The following HDC variants were observed in gnomAD, a reference collection of about 807,000 sequenced individuals.
HDC encodes histidine decarboxylase.
A neutral mutation model predicts 64.4 loss-of-function variants in HDC; 27 were observed. That is an observed-to-expected ratio of 0.42 (90% CI 0.31 to 0.58). The LOEUF is 0.58. Ranked by LOEUF, HDC falls within the 20% of genes least tolerant of loss-of-function variation. The pLI is 0.16. For synonymous variants in HDC, 305 were observed against 314.2 expected, an observed-to-expected ratio of 0.97 and a Z score of 0.31; for missense variants, 711 against 833.9, an observed-to-expected ratio of 0.85 and a Z score of 1.81.
chr15:50,250,546 A>T (rs2045540909), intron 9 of HDC, among the ~76,000 whole-genome samples: 1 of 152,216 alleles, frequency 6.6e-6, no homozygotes, highest in African/African-American at 2.4e-5. Flanking sequence ...AACCCCGGGA[A>T]GATCCTGAGG....
At position 50,265,673 on chromosome 15, in the gene HDC, A is replaced by T. The variant is rs1301842223; in HGVS notation, c.-50T>A. 11 of 1,568,378 alleles carry T rather than the reference A, an allele frequency of 7.0e-6. No homozygotes were observed. Among genetic ancestry groups the T allele is most frequent in the Non-Finnish European group, 8.8e-6 (10 of 1,138,896 alleles). ...CACAGATGGACACGCAGGAGGTGGA[A>T]GGCGTGAAAGGCGTGGAGCAGCCCG... On this transcript the variant is annotated 5_prime_UTR_variant, in exon 1 of 12. Transcript: ENST00000267845.
At position 50,242,335 on chromosome 15, in the gene HDC, G is replaced by A. The variant is rs1245157541; in HGVS notation, c.1914C>T (p.Ser638=). 24 of 1,613,990 alleles carry A rather than the reference G, an allele frequency of 1.5e-5. No individual in the cohort carries two copies. The highest frequency in any genetic ancestry group is 1.8e-5 in the Non-Finnish European group (21 of 1,179,994). ...SAFKKLIKFY[S]VPSFPECSSQ... ...AGCTGCATTCAGGAAAGCTGGGGAC[G>A]CTGTAGAATTTGATGAGTTTTTTGA... Residue 638 remains serine (S), a synonymous_variant, in exon 12 of 12, where the codon AGC becomes AGT. Coordinates refer to ENST00000267845, the MANE Select transcript of HDC (RefSeq NM_002112.4).
chr15:50,261,428 TTTCA>T, intron 2 of HDC, among the ~76,000 whole-genome samples: 1 of 152,182 alleles, frequency 6.6e-6, no homozygotes, highest in South Asian at 2.1e-4. Flanking sequence ...ATATTGACAT[TTTCA>T]AAAAATGCTT....
chr15:50,257,133 C>T (rs1425750009), intron 4 of HDC, among the ~76,000 whole-genome samples: 1 of 152,104 alleles, frequency 6.6e-6, no homozygotes, highest in African/African-American at 2.4e-5. Context: ...AAATGGGACA[C>T]CAAAAAGGAA....
At chr15:50,252,996 C>T (rs921329130) in intron 7 of HDC, 1 of 586,616 alleles carries the variant, frequency 1.7e-6, no homozygotes, top group Non-Finnish European at 3.0e-6. Context: ...CTCACCCTTG[C>T]CTTTTTCTTC....
rs1237634165 is a variant in HDC at position 50,243,160 on chromosome 15, C to G, written c.1225G>C (p.Val409Leu). 1 of 1,613,648 alleles carries G rather than the reference C, an allele frequency of 6.2e-7. No individual in the cohort carries two copies. The highest frequency in any genetic ancestry group is 8.5e-7 in the Non-Finnish European group (1 of 1,179,558). The stretch of plus-strand genomic sequence containing the variant: ...GGTATTACCTTTAGACGAAAAACCA[C>G]CAGGCCAAGGTGCCTCTTGGCAGGA... ...EIPAKRHLGL[V>L]VFRLKGPNCL... Residue 409 changes from valine (V) to leucine (L), a missense_variant, in exon 11 of 12, where the codon GTG becomes CTG. Val to Leu is a conservative substitution (Grantham distance 32, BLOSUM62 1). Around this residue, in one of 3 missense-constraint regions of HDC, gnomAD observed 483 missense variants for 540.9 expected, o/e 0.89. Transcript: ENST00000267845.
chr15:50,263,480 G>T, intron 1 of HDC, 73 bp from the exon 2 acceptor site: 3 of 1,434,734 alleles, frequency 2.1e-6, no homozygotes, highest in South Asian at 2.4e-5. Flanking sequence ...ATCCCTCTCA[G>T]GTCCGGGCCA....
intron 10 of HDC, among the ~76,000 whole-genome samples, chr15:50,243,993 A>T (rs2045442008): frequency 6.6e-6 from 1 of 152,356 alleles, no homozygotes; most frequent in African/African-American, 2.4e-5. Context: ...AAAATGGTAC[A>T]TTCTATGGTA....
At chr15:50,257,588 G>C in intron 3 of HDC, 41 bp from the exon 4 acceptor site, 1 of 1,611,810 alleles carries the variant, frequency 6.2e-7, no homozygotes, top group South Asian at 1.1e-5. Context: ...CAGCCCCAGG[G>C]CACTGAGGTG....
intron 2 of HDC, among the ~76,000 whole-genome samples, chr15:50,260,973 C>A (rs2045695832): frequency 6.6e-6 from 1 of 152,148 alleles, no homozygotes; most frequent in Non-Finnish European, 1.5e-5. Context: ...CAATGAGGCA[C>A]TGAGCAAAAT....
chr15:50,250,382 T>TGGG (rs1203370370), intron 9 of HDC, among the ~76,000 whole-genome samples: 1 of 151,614 alleles, frequency 6.6e-6, no homozygotes, highest in East Asian at 1.9e-4. Context: ...GGATTAAAGG[T>TGGG]GGGGGAAGGG....
In HDC at chr15:50,258,447, C is replaced by T; in HGVS notation, c.275G>A (p.Gly92Glu). 6.2e-7 allele frequency: 1 copy of T among 1,613,832 alleles called. No homozygotes were observed. The highest frequency in any genetic ancestry group is 1.7e-5 in the Admixed American group (1 of 60,020). Reference protein sequence around the residue: ...PALTSWPSLLGDMLADAINCL... With the variant: ...PALTSWPSLLEDMLADAINCL... Reference sequence around the variant, plus strand: ...GTTGATGGCATCAGCCAGCATGTCTCCTAGCAGGGAGGGCCAAGAGGTGAG... The same window carrying T: ...GTTGATGGCATCAGCCAGCATGTCTTCTAGCAGGGAGGGCCAAGAGGTGAG... Residue 92 changes from glycine to glutamate, a missense_variant, in exon 3 of 12, where the codon GGA (glycine) becomes GAA (glutamate). Gly to Glu is a moderately conservative substitution (Grantham distance 98, BLOSUM62 -2). Around this residue, in one of 3 missense-constraint regions of HDC, gnomAD observed 225 missense variants for 276.2 expected, o/e 0.81. Transcript: ENST00000267845.
intron 1 of HDC, 80 bp from the exon 2 acceptor site, chr15:50,263,487 G>A (rs887149611): frequency 9.6e-6 from 13 of 1,360,428 alleles, no homozygotes; most frequent in East Asian, 7.3e-5. Flanking sequence ...TCAGGTCCGG[G>A]CCAAGAGACT....
At position 50,248,672 on chromosome 15, in the gene HDC, G is replaced by A. The variant is rs993106850; in HGVS notation, c.1042-329C>T. Among the ~76,000 whole-genome samples the A allele has an allele frequency of 1.3e-5, 2 of 152,178 alleles. No homozygotes were observed. Among genetic ancestry groups the A allele is most frequent in the Non-Finnish European group, 2.9e-5 (2 of 68,030 alleles). The stretch of plus-strand genomic sequence containing the variant: ...CCCGGCCCAGAAACTCAACATAAGG[G>A]AAATACATTTTTACTCTAAATGAAT... On this transcript the variant is annotated intron_variant, in intron 9 of 11. Transcript: ENST00000267845. This position sits in a 1 kb window ranked among gnomAD's most constrained non-coding sequence, Gnocchi z 4.3.
At chr15:50,250,646 C>T (rs2045542382) in intron 9 of HDC, among the ~76,000 whole-genome samples, 1 of 152,142 alleles carries the variant, frequency 6.6e-6, no homozygotes. Context: ...CCCAAATACA[C>T]TCATAGGAGA....
rs748410745 is a variant in HDC at position 50,263,243 on chromosome 15, T to C, written c.196A>G (p.Met66Val). The change falls in exon 2 of 12, where the codon ATG (methionine) becomes GTG (valine). Residue 66 changes from methionine (M) to valine (V), a missense_variant. By Grantham distance (21) the Met-to-Val change is conservative. Transcript: ENST00000267845. The part of the protein sequence containing the change: ...SIFGDIERII[M>V]PGVVHWQSPH... ...TGGTCACTGTGTCTCACCCCAGGCA[T>C]GATGATTCGTTCAATGTCCCCAAAG... 3 of 1,614,110 alleles carry C rather than the reference T, an allele frequency of 1.9e-6. No homozygotes were observed. The highest frequency in any genetic ancestry group is 2.5e-6 in the Non-Finnish European group (3 of 1,179,992).
intron 6 of HDC, 91 bp downstream of exon 6, chr15:50,254,039 G>A (rs961478337): frequency 4.4e-6 from 6 of 1,352,660 alleles, no homozygotes; most frequent in East Asian, 4.6e-5. Context: ...CTGCTTTTGT[G>A]TGCAGCATGT....
At chr15:50,262,228 G>C (rs1417693815) in intron 2 of HDC, among the ~76,000 whole-genome samples, 1 of 152,134 alleles carries the variant, frequency 6.6e-6, no homozygotes, top group Non-Finnish European at 1.5e-5. Context: ...AGGTGACAGA[G>C]GGTAGGAGAA....
At chr15:50,251,984 A>AGCTGCCCCACAGC (rs2045562382) in intron 9 of HDC, among the ~76,000 whole-genome samples, 1 of 152,168 alleles carries the variant, frequency 6.6e-6, no homozygotes, top group South Asian at 2.1e-4. Context: ...ACTACCACAG[A>AGCTGCCCCACAGC]GCTGCCCCAC....
Sources: gnomAD v4.1 joint callset for allele counts (sites outside exome capture counted in the v4.1 genomes callset) on GRCh38, gnomAD v4.1.1 for gene constraint, gnomAD v4.1.1 regional missense constraint, Gnocchi (gnomAD v3.1) non-coding constraint, MANE v1.5 for transcripts, NCBI Gene and HGNC (gene_info 2026-07-23, HGNC 2026-07-21) for gene names.